Variants in DLGAP2 observed in about 807,000 individuals in gnomAD.
DLGAP2 encodes DLG associated protein 2.
DLGAP2 carries 26 observed loss-of-function variants against 100.3 expected under a neutral mutation model. That is an observed-to-expected ratio of 0.26 (90% CI 0.19 to 0.36). The LOEUF (loss-of-function observed/expected upper bound fraction) is 0.36. DLGAP2 is among the 10% of genes least tolerant of loss of function. The pLI is 1.00. For synonymous variants in DLGAP2, 886 were observed against 630.1 expected (o/e 1.41, Z -6.08); for missense variants, 1,858 against 1,453.2 (o/e 1.28, Z -4.53).
At chr8:1,055,380 TGTAA>T (rs1332346818) in intron 2 of DLGAP2, among the ~76,000 whole-genome samples, 1 of 152,248 alleles carries the variant, frequency 6.6e-6, no homozygotes, top group African/African-American at 2.4e-5. Context: ...ATCCGTCCCC[TGTAA>T]GTCTCTTCTT....
chr8:1,458,171 G>T (rs2130140875), intron 3 of DLGAP2, among the ~76,000 whole-genome samples: 1 of 151,770 alleles, frequency 6.6e-6, no homozygotes, highest in Non-Finnish European at 1.5e-5. Context: ...CTCCCAAAGT[G>T]CTGGGATTAC....
At chr8:740,192 A>C (rs1171466942) in intron 1 of DLGAP2, 2 of 152,232 alleles carry the variant, frequency 1.3e-5, no homozygotes, top group Non-Finnish European at 2.9e-5. Context: ...CAAATAATTC[A>C]AAGGAACGAA....
chr8:1,563,843 C>T (rs2956911), intron 5 of DLGAP2, among the ~76,000 whole-genome samples: 68,667 of 152,004 alleles, frequency 0.45, 15,695 homozygotes, highest in Middle Eastern at 0.59. Flanking sequence ...TGCTGTCGAT[C>T]GGCTCACAGG....
chr8:1,123,257 A>T (rs983911786), intron 2 of DLGAP2, among the ~76,000 whole-genome samples: 4 of 152,352 alleles, frequency 2.6e-5, no homozygotes, highest in South Asian at 2.1e-4. Context: ...TAAAGCAAAG[A>T]ATAATGAAAA....
Position 1,317,296 on chromosome 8 carries a change from G to A in DLGAP2, c.106+58413G>A, listed in dbSNP as rs556393930. Among the ~76,000 whole-genome samples, 28 of 127,352 alleles carry A rather than the reference G, an allele frequency of 2.2e-4. 1 individual carries two copies. Among genetic ancestry groups the A allele is most frequent in the African/African-American group, 7.1e-4 (22 of 30,918 alleles). 83.5% of individuals were successfully genotyped at this position (127,352 alleles called of 152,430 possible). A position where few individuals can be genotyped will look rare whatever the true frequency, so the allele number is the denominator to read the frequency against. On this transcript the variant is annotated intron_variant, in intron 3 of 14. Coordinates refer to ENST00000637795, the MANE Select transcript of DLGAP2 (RefSeq NM_001346810.2). ...ACAGTGGTCTACACTCGAGAAACTC[G>A]GCAGCTTTTAAAAATAGAGGCTGTG...
At chr8:926,483 C>T (rs751943602) in intron 2 of DLGAP2, among the ~76,000 whole-genome samples, 3 of 152,178 alleles carry the variant, frequency 2.0e-5, no homozygotes, top group Admixed American at 6.5e-5. Flanking sequence ...TGTGTCTCAC[C>T]GCACCTGAGT....
intron 1 of DLGAP2, among the ~76,000 whole-genome samples, chr8:786,717 T>A (rs1207888618): frequency 6.6e-6 from 1 of 151,736 alleles, no homozygotes; most frequent in African/African-American, 2.4e-5. Context: ...AGGGAGAGTT[T>A]CCCTGTTAGC....
intron 2 of DLGAP2, among the ~76,000 whole-genome samples, chr8:1,126,650 C>A (rs75011375): frequency 3.3e-5 from 5 of 151,954 alleles, no homozygotes; most frequent in Admixed American, 6.6e-5. Flanking sequence ...CTTAGACTCC[C>A]GCTGTGGGCG....
At chr8:1,300,145 T>G (rs1486525969) in intron 3 of DLGAP2, 3 of 152,240 alleles carry the variant, frequency 2.0e-5, no homozygotes, top group African/African-American at 7.2e-5. Context: ...CATATCGATT[T>G]GTCAGGGAAA....
At chr8:1,459,659 C>G (rs936850021) in intron 3 of DLGAP2, among the ~76,000 whole-genome samples, 7 of 150,366 alleles carry the variant, frequency 4.7e-5, no homozygotes, top group Non-Finnish European at 7.4e-5. Context: ...AGCACCCTCT[C>G]TGGCATTTTA....
chr8:1,111,321 A>C (rs1804949658), intron 2 of DLGAP2, among the ~76,000 whole-genome samples: 1 of 151,512 alleles, frequency 6.6e-6, no homozygotes, highest in East Asian at 1.9e-4. Context: ...AAGGCTGTGG[A>C]TTTTCAGGCC....
intron 3 of DLGAP2, among the ~76,000 whole-genome samples, chr8:1,320,568 C>T (rs1563081365): frequency 6.6e-6 from 1 of 152,188 alleles, no homozygotes; most frequent in African/African-American, 2.4e-5. Context: ...TGCTTGAGCT[C>T]AGCCTGGTGC....
chr8:1,133,957 CAGTACCCATT>C (rs1481080224), intron 2 of DLGAP2, among the ~76,000 whole-genome samples: 1 of 151,912 alleles, frequency 6.6e-6, no homozygotes, highest in Admixed American at 6.6e-5. Context: ...ATATTAAGCC[CAGTACCCATT>C]AGTTACTTTT....
chr8:738,393 C>G (rs982258944), intron 1 of DLGAP2, among the ~76,000 whole-genome samples: 1 of 151,836 alleles, frequency 6.6e-6, no homozygotes, highest in South Asian at 2.1e-4. Context: ...CAGCGGCTGC[C>G]GAGACCAGGC....
chr8:1,569,025 C>G (rs573861460), intron 6 of DLGAP2, among the ~76,000 whole-genome samples: 1 of 146,594 alleles, frequency 6.8e-6, no homozygotes, highest in East Asian at 2.1e-4. Context: ...TCAGCAGACA[C>G]AAATCCACTC....
chr8:1,143,924 C>T (rs1262804543), intron 2 of DLGAP2, among the ~76,000 whole-genome samples: 1 of 152,154 alleles, frequency 6.6e-6, no homozygotes, highest in African/African-American at 2.4e-5. Flanking sequence ...GGACTAGATG[C>T]ACGTGTGTTA....
At chr8:1,641,516 G>C (rs775785565) in intron 8 of DLGAP2, among the ~76,000 whole-genome samples, 1 of 152,124 alleles carries the variant, frequency 6.6e-6, no homozygotes, top group Admixed American at 6.5e-5. Context: ...ATCATAATAC[G>C]AATGAAACTA....
chr8:1,524,623 C>G (rs527980423), intron 4 of DLGAP2, among the ~76,000 whole-genome samples: 1 of 152,084 alleles, frequency 6.6e-6, no homozygotes, highest in Non-Finnish European at 1.5e-5. Context: ...GTTTTTGTGT[C>G]CCCATATCAT....
At chr8:1,595,396 G>T (rs1224652987) in intron 6 of DLGAP2, among the ~76,000 whole-genome samples, 1 of 152,042 alleles carries the variant, frequency 6.6e-6, no homozygotes, top group Admixed American at 6.6e-5. Context: ...GGGCGCGGTG[G>T]CTCACGCCTG....
Sources: allele counts gnomAD v4.1 joint callset (sites outside exome capture counted in the v4.1 genomes callset), GRCh38; gene constraint gnomAD v4.1.1; transcripts MANE v1.5; gene names NCBI Gene and HGNC (gene_info 2026-07-23, HGNC 2026-07-21).